SLC7A2: variants seen among roughly 807,000 people sequenced by gnomAD.
The protein encoded by SLC7A2 is cationic amino acid transporter 2.
A neutral mutation model predicts 58.9 loss-of-function variants in SLC7A2; 48 were observed. The observed-to-expected ratio is 0.82, with a 90% CI of 0.65 to 1.04. The LOEUF is 1.04. Ranked by LOEUF, SLC7A2 falls within the 50% of genes least tolerant of loss-of-function variation. The probability of loss-of-function intolerance (pLI) is 0.00; values close to 1 mark genes in which losing one functional copy is unlikely to be tolerated. For synonymous variants in SLC7A2, 363 were observed against 314.5 expected (o/e 1.15, Z -1.63); for missense variants, 1,029 against 818.8 (o/e 1.26, Z -3.13).
chr8:17,545,573 T>A (rs1158267366), intron 4 of SLC7A2, among the ~76,000 whole-genome samples: 1 of 151,980 alleles, frequency 6.6e-6, no homozygotes, highest in African/African-American at 2.4e-5. Flanking sequence ...GATTTTTGTA[T>A]TTTTAGTAGA....
At chr8:17,494,563 G>A (rs922485363), upstream of SLC7A2, among the ~76,000 whole-genome samples, 2 of 152,160 alleles carry the variant, frequency 1.3e-5, no homozygotes, top group East Asian at 1.9e-4. Context: ...AAGAGAAAAT[G>A]CAAATGAAGA....
At chr8:17,554,996 G>C in intron 8 of SLC7A2, 1 of 1,613,936 alleles carries the variant, frequency 6.2e-7, no homozygotes, top group Non-Finnish European at 8.5e-7. Flanking sequence ...GCCATGGCCC[G>C]GGATGGCTTA....
In SLC7A2 at chr8:17,555,067, G is replaced by A. The variant is rs1322319163; in HGVS notation, c.1195+368G>A. The A allele has an allele frequency of 3.1e-6, 5 of 1,613,774 alleles. No homozygotes were observed. In the East Asian group the frequency reaches 6.7e-5, roughly 22 times the overall value. On this transcript the variant is annotated intron_variant, in intron 8 of 12. Coordinates refer to ENST00000494857, the MANE Select transcript of SLC7A2 (RefSeq NM_001370338.1). ...GTCACCAGTTGCTGCCACGTTGACT[G>A]CAGGGGTCATTTCTGGTAAGCTTTA... is the stretch of plus-strand genomic sequence containing the variant.
At chr8:17,548,327 C>G (rs547858958) in intron 4 of SLC7A2, among the ~76,000 whole-genome samples, 1 of 152,210 alleles carries the variant, frequency 6.6e-6, no homozygotes, top group South Asian at 2.1e-4. Context: ...GGAAACAGAG[C>G]GAGACTCTGT....
rs1803455420 is a variant in SLC7A2 at position 17,570,487 on chromosome 8, A to C, written c.*5341A>C. ...GGATTCTTTTTTAGAATTTGTAATA[A>C]ATAAAAACTGCTGCTTTACCACTGT... On this transcript the variant is annotated 3_prime_UTR_variant, in exon 13 of 13. Coordinates refer to ENST00000494857, the MANE Select transcript of SLC7A2 (RefSeq NM_001370338.1). The C allele has an allele frequency of 6.6e-6, 1 of 152,596 alleles. No homozygotes were observed. Among genetic ancestry groups the C allele is most frequent in the Admixed American group, 6.5e-5 (1 of 15,274 alleles). 9.5% of individuals were successfully genotyped at this position (152,596 alleles called of 1,614,324 possible).
chr8:17,510,278 G>A (rs763028402), intron 2 of SLC7A2, among the ~76,000 whole-genome samples: 3 of 151,774 alleles, frequency 2.0e-5, no homozygotes, highest in African/African-American at 4.8e-5. Context: ...GCCTTTTTTT[G>A]TGTACGAAAG....
At chr8:17,530,946 G>T (rs1448910741) in intron 2 of SLC7A2, among the ~76,000 whole-genome samples, 2 of 152,108 alleles carry the variant, frequency 1.3e-5, no homozygotes. Context: ...AGCATTAATT[G>T]TTATTTTAAA....
At chr8:17,495,050 A>C (rs980717249), upstream of SLC7A2, among the ~76,000 whole-genome samples, 1 of 152,264 alleles carries the variant, frequency 6.6e-6, no homozygotes, top group East Asian at 1.9e-4. Flanking sequence ...ATCACAAATT[A>C]AACAGATTTA....
chr8:17,513,108 C>T (rs959119660), intron 2 of SLC7A2, among the ~76,000 whole-genome samples: 1 of 152,174 alleles, frequency 6.6e-6, no homozygotes, highest in African/African-American at 2.4e-5. Context: ...AACGATGCTG[C>T]TGTGAACGTG....
At chr8:17,557,041 T>C (rs1372296295) in intron 8 of SLC7A2, among the ~76,000 whole-genome samples, 1 of 152,206 alleles carries the variant, frequency 6.6e-6, no homozygotes, top group African/African-American at 2.4e-5. Flanking sequence ...AGCCTATCTC[T>C]AAGATGGGGA....
chr8:17,539,476 AT>A (rs1801816602), intron 2 of SLC7A2, among the ~76,000 whole-genome samples: 1 of 152,192 alleles, frequency 6.6e-6, no homozygotes, highest in East Asian at 1.9e-4. Flanking sequence ...ATATGCACAT[AT>A]TTATCTTCCT....
chr8:17,505,222 T>A (rs1800317112), intron 2 of SLC7A2, among the ~76,000 whole-genome samples: 2 of 152,140 alleles, frequency 1.3e-5, no homozygotes, highest in Non-Finnish European at 2.9e-5. Flanking sequence ...TTCCAACCAG[T>A]GGGCAACTAG....
At chr8:17,543,938 A>G (rs1037342854) in intron 3 of SLC7A2, among the ~76,000 whole-genome samples, 1 of 152,124 alleles carries the variant, frequency 6.6e-6, no homozygotes, top group African/African-American at 2.4e-5. Context: ...GCGTGATCTC[A>G]GCTCGCTGCA....
At chr8:17,520,509 C>T (rs1190423994) in intron 2 of SLC7A2, among the ~76,000 whole-genome samples, 1 of 151,308 alleles carries the variant, frequency 6.6e-6, no homozygotes, top group African/African-American at 2.4e-5. Flanking sequence ...AGTGTGGTGG[C>T]ACACGTCTGT....
intron 2 of SLC7A2, among the ~76,000 whole-genome samples, chr8:17,520,459 G>T (rs1800969438): frequency 6.6e-6 from 1 of 151,606 alleles, no homozygotes. Flanking sequence ...TGGCCAGCAT[G>T]GTGAAACCGC....
chr8:17,519,850 C>A (rs5008593), intron 2 of SLC7A2, among the ~76,000 whole-genome samples: 92,396 of 151,314 alleles, frequency 0.61, 28,637 homozygotes, highest in Non-Finnish European at 0.64. Flanking sequence ...TATGATGTCT[C>A]CTCCATAAAA....
chr8:17,506,120 A>C (rs752134597), intron 2 of SLC7A2, among the ~76,000 whole-genome samples: 2 of 152,198 alleles, frequency 1.3e-5, no homozygotes, highest in Non-Finnish European at 2.9e-5. Flanking sequence ...GTGGTTGTGT[A>C]GGTGGAGTAG....
At chr8:17,513,428 C>T (rs1800683451) in intron 2 of SLC7A2, among the ~76,000 whole-genome samples, 1 of 152,188 alleles carries the variant, frequency 6.6e-6, no homozygotes, top group African/African-American at 2.4e-5. Flanking sequence ...GAATCATCCA[C>T]TTTTACCTCC....
chr8:17,545,407 T>TC (rs1802118513), intron 4 of SLC7A2, among the ~76,000 whole-genome samples: 5 of 137,198 alleles, frequency 3.6e-5, no homozygotes, highest in Non-Finnish European at 6.3e-5. Flanking sequence ...CATTTTCTTT[T>TC]TTTTTTTTTT....
Sources: gnomAD v4.1 joint callset for allele counts (sites outside exome capture counted in the v4.1 genomes callset) on GRCh38, gnomAD v4.1.1 for gene constraint, MANE v1.5 for transcripts, NCBI Gene and HGNC (gene_info 2026-07-23, HGNC 2026-07-21) for gene names.